The following ATXN1 variants were observed in gnomAD, a reference collection of about 807,000 sequenced individuals.
The protein encoded by ATXN1 is ataxin 1, also known as ataxin-1.
A neutral mutation model predicts 56.4 loss-of-function variants in ATXN1; 8 were observed. The observed-to-expected ratio is 0.14, with a 90% confidence interval of 0.08 to 0.26. The LOEUF (loss-of-function observed/expected upper bound fraction) is 0.26, where lower values mean the gene tolerates loss of function less well. ATXN1 is among the 10% of genes least tolerant of loss of function. The pLI is 1.00. For synonymous variants in ATXN1, 514 were observed against 494.6 expected, an observed-to-expected ratio of 1.04 and a Z score of -0.52; for missense variants, 987 against 1,106.5, an observed-to-expected ratio of 0.89 and a Z score of 1.53.
At chr6:16,575,295 G>A (rs4716083) in intron 4 of ATXN1, among the ~76,000 whole-genome samples, 1 of 152,124 alleles carries the variant, frequency 6.6e-6, no homozygotes, top group South Asian at 2.1e-4. Flanking sequence ...TGCATCCATC[G>A]GTGGGACTTT....
chr6:16,590,412 C>T (rs936990118), intron 3 of ATXN1, among the ~76,000 whole-genome samples: 1 of 152,178 alleles, frequency 6.6e-6, no homozygotes, highest in African/African-American at 2.4e-5. Flanking sequence ...TTTTACGAAG[C>T]AAACTCATAA....
In ATXN1 at chr6:16,327,607, G is replaced by A; in HGVS notation, c.704C>T (p.Thr235Ile). 3 of 1,592,302 alleles carry A rather than the reference G, an allele frequency of 1.9e-6. No individual in the cohort carries two copies. The highest frequency in any genetic ancestry group is 2.2e-5 in the South Asian group (2 of 89,308). ...CTGGGCTGGTGGGGGGGACCCCGGG[G>A]TGATGAGCCCCGGAGCCCTGCTGAG... is the stretch of plus-strand genomic sequence containing the variant. ...QHLSRAPGLI[T>I]PGSPPPAQQN... Residue 235 changes from threonine (T) to isoleucine (I), a missense_variant, in exon 7 of 8, where the codon ACC becomes ATC. Around this residue, in one of 3 missense-constraint regions of ATXN1, gnomAD observed 723 missense variants for 791.7 expected, o/e 0.91. Transcript: ENST00000436367.
At chr6:16,363,824 T>G (rs1429877660) in intron 6 of ATXN1, among the ~76,000 whole-genome samples, 1 of 152,166 alleles carries the variant, frequency 6.6e-6, no homozygotes, top group Non-Finnish European at 1.5e-5. Flanking sequence ...AAGGGTAAGA[T>G]GATTGAATCA....
intron 6 of ATXN1, among the ~76,000 whole-genome samples, chr6:16,412,310 A>G (rs903056741): frequency 1.3e-5 from 2 of 152,224 alleles, no homozygotes; most frequent in Non-Finnish European, 2.9e-5. Context: ...GACTATTAAG[A>G]TTAACAGACT....
intron 2 of ATXN1, among the ~76,000 whole-genome samples, chr6:16,660,927 C>T (rs1758307457): frequency 6.7e-6 from 1 of 148,472 alleles, no homozygotes; most frequent in Non-Finnish European, 1.5e-5. Flanking sequence ...CAACCTCTGC[C>T]TTCTGGTTTC....
In ATXN1 at chr6:16,327,002, T is replaced by C; in HGVS notation, c.1309A>G (p.Thr437Ala). ...ALSPHTVIQT[T>A]HSASEPLPVG... ...GGGAGTGGCTCTGAAGCACTGTGTG[T>C]GGTCTGAATGACCGTGTGGGGTGAG... Residue 437 changes from threonine to alanine, a missense_variant, in exon 7 of 8, where the codon ACA becomes GCA. Physicochemically the swap from Thr to Ala is moderately conservative, Grantham distance 58. Transcript: ENST00000436367. 1 of 1,614,124 alleles carries C rather than the reference T, an allele frequency of 6.2e-7. No individual in the cohort carries two copies. Among genetic ancestry groups the C allele is most frequent in the Non-Finnish European group, 8.5e-7 (1 of 1,180,016 alleles).
intron 2 of ATXN1, among the ~76,000 whole-genome samples, chr6:16,715,275 C>G (rs1024154326): frequency 1.3e-5 from 2 of 152,180 alleles, no homozygotes; most frequent in Non-Finnish European, 2.9e-5. Context: ...TTATAACAAT[C>G]TTAAGAGACA....
At chr6:16,643,627 C>CAAAAAAA (rs58223053) in intron 3 of ATXN1, among the ~76,000 whole-genome samples, 7 of 63,170 alleles carry the variant, frequency 1.1e-4, no homozygotes, top group Admixed American at 1.9e-4. Flanking sequence ...GAGACCCTGC[C>CAAAAAAA]AAAAAAAAAA....
intron 2 of ATXN1, among the ~76,000 whole-genome samples, chr6:16,716,966 G>A (rs528063222): frequency 9.8e-5 from 15 of 152,298 alleles, no homozygotes; most frequent in Admixed American, 9.1e-4. Flanking sequence ...GGACAATAAA[G>A]ATTACCATTC....
At position 16,534,301 on chromosome 6, in the gene ATXN1, G is replaced by A. The variant is rs114289404; in HGVS notation, c.-360-11613C>T. Among the ~76,000 whole-genome samples, 571 of 151,654 alleles carry A rather than the reference G, an allele frequency of 3.8e-3. 3 individuals are homozygous for A. Among genetic ancestry groups the A allele is most frequent in the African/African-American group, 0.013 (538 of 41,302 alleles). Reference sequence around the variant, plus strand: ...GCAGTAAAATGCAGTTTTCAATCAGGGGCACACATCTCTACTGTAACCATT... The same window carrying A: ...GCAGTAAAATGCAGTTTTCAATCAGAGGCACACATCTCTACTGTAACCATT... On this transcript the variant is annotated intron_variant, in intron 4 of 7. Coordinates refer to ENST00000436367, the MANE Select transcript of ATXN1 (RefSeq NM_001128164.2).
chr6:16,751,578 T>C (rs1368830046), intron 2 of ATXN1, among the ~76,000 whole-genome samples: 1 of 87,970 alleles, frequency 1.1e-5, no homozygotes, highest in Admixed American at 1.0e-4. Context: ...CAGTTCATTT[T>C]ACAACAATCT....
intron 6 of ATXN1, among the ~76,000 whole-genome samples, chr6:16,362,226 C>T (rs1761823408): frequency 1.3e-5 from 2 of 152,174 alleles, no homozygotes; most frequent in African/African-American, 2.4e-5. Flanking sequence ...GGGCAAGTAG[C>T]TCTTGATCTG....
In ATXN1 at chr6:16,680,338, C is replaced by G. The variant is rs149669904; in HGVS notation, c.-614-22437G>C. 2.1e-3 allele frequency among the ~76,000 whole-genome samples: 321 copies of G among 152,320 alleles called. 2 individuals are homozygous for G. Among genetic ancestry groups the G allele is most frequent in the African/African-American group, 7.1e-3 (296 of 41,574 alleles). On this transcript the variant is annotated intron_variant, in intron 2 of 7. Transcript: ENST00000436367. ...AGCCCCAGAAAGGCCCCCTACCCCC[C>G]AAACATGTCCTTCTGTTCCTTCCTT...
intron 6 of ATXN1, among the ~76,000 whole-genome samples, chr6:16,339,373 G>C (rs1321836468): frequency 1.3e-5 from 2 of 152,212 alleles, no homozygotes; most frequent in African/African-American, 4.8e-5. Flanking sequence ...GTGGCTGAAT[G>C]AAAGCAAAGC....
intron 6 of ATXN1, among the ~76,000 whole-genome samples, chr6:16,387,760 A>G (rs1378281457): frequency 6.6e-6 from 1 of 152,222 alleles, no homozygotes; most frequent in East Asian, 1.9e-4. Context: ...TTCCTTCCAC[A>G]TAAAATATCG....
intron 2 of ATXN1, among the ~76,000 whole-genome samples, chr6:16,672,965 T>C (rs1198499198): frequency 7.0e-6 from 1 of 142,654 alleles, no homozygotes; most frequent in African/African-American, 2.7e-5. Context: ...ACTGAGCCAA[T>C]ATGTGCCACT....
intron 6 of ATXN1, among the ~76,000 whole-genome samples, chr6:16,378,830 G>T (rs1035183828): frequency 6.6e-6 from 1 of 152,144 alleles, no homozygotes; most frequent in African/African-American, 2.4e-5. Flanking sequence ...AAAATGCTGG[G>T]AGTATAGGCA....
At chr6:16,718,630 C>G (rs1196377809) in intron 2 of ATXN1, among the ~76,000 whole-genome samples, 2 of 152,214 alleles carry the variant, frequency 1.3e-5, no homozygotes, top group Non-Finnish European at 2.9e-5. Flanking sequence ...ATATTATGCT[C>G]TTTGGTAAAT....
chr6:16,586,112 A>C (rs1762619656), intron 3 of ATXN1, among the ~76,000 whole-genome samples: 1 of 152,074 alleles, frequency 6.6e-6, no homozygotes, highest in African/African-American at 2.4e-5. Flanking sequence ...GCAGAGACAC[A>C]GCAGGTCCCT....
Sources: allele counts gnomAD v4.1 joint callset (sites outside exome capture counted in the v4.1 genomes callset), GRCh38; gene constraint gnomAD v4.1.1; regional missense constraint gnomAD v4.1.1; transcripts MANE v1.5; gene names NCBI Gene and HGNC (gene_info 2026-07-23, HGNC 2026-07-21).